Variants in NPSR1 observed in about 807,000 individuals in gnomAD.
NPSR1 encodes the protein neuropeptide S receptor.
Under a neutral mutation model 46.9 loss-of-function variants are expected in NPSR1, and 48 were observed. The ratio of observed to expected loss-of-function variants is 1.02; its 90% confidence interval spans 0.81 to 1.30. The LOEUF (loss-of-function observed/expected upper bound fraction) is 1.30, where lower values mean the gene tolerates loss of function less well. Ranked by LOEUF, NPSR1 falls within the 50% of genes most tolerant of loss-of-function variation. The pLI, the probability that NPSR1 is intolerant of heterozygous loss-of-function variation, is 0.00. For synonymous variants in NPSR1, 176 were observed against 168.1 expected (o/e 1.05, Z -0.36); for missense variants, 450 against 449.5 (o/e 1.00, Z -0.01).
chr7:34,751,077 A>G lies in NPSR1; in HGVS notation c.281-27385A>G, dbSNP rs183325341. The G allele has an allele frequency of 1.6e-3, 1,250 of 791,238 alleles. 5 individuals are homozygous for G. The highest frequency in any genetic ancestry group is 2.4e-3 in the Non-Finnish European group (1,019 of 431,372). The allele number at this position is 791,238 out of a possible 1,614,324, so 49.0% of individuals were successfully genotyped here. A position where few individuals can be genotyped will look rare whatever the true frequency, so the allele number is the denominator to read the frequency against. On this transcript the variant is annotated intron_variant, in intron 2 of 8. Coordinates refer to ENST00000360581, the MANE Select transcript of NPSR1 (RefSeq NM_207172.2). The stretch of plus-strand genomic sequence containing the variant: ...GGCCATCTCACTCACCTGCCCCTTT[A>G]CCTTCACCATGTCCTTGAGGATCAG...
chr7:34,663,450 G>A (rs530667495), intron 1 of NPSR1, among the ~76,000 whole-genome samples: 44 of 152,206 alleles, frequency 2.9e-4, no homozygotes, highest in Middle Eastern at 6.8e-3. Context: ...AGCCACCTAC[G>A]CTATACAACT....
intron 2 of NPSR1, among the ~76,000 whole-genome samples, chr7:34,742,592 A>G (rs996294361): frequency 2.0e-5 from 3 of 152,160 alleles, no homozygotes; most frequent in Non-Finnish European, 2.9e-5. Flanking sequence ...GGTTGATTCT[A>G]TGTCTTTGCT....
intron 8 of NPSR1, chr7:34,849,348 G>A: frequency 6.4e-7 from 1 of 1,551,250 alleles, no homozygotes; most frequent in Non-Finnish European, 8.7e-7. Context: ...CTACCTGTTG[G>A]CCTGTGATGT....
chr7:34,805,501 A>AAG (rs1788653343), intron 3 of NPSR1, among the ~76,000 whole-genome samples: 1 of 150,304 alleles, frequency 6.7e-6, no homozygotes, highest in African/African-American at 2.4e-5. Flanking sequence ...AAAAAAAAAA[A>AAG]CTTAATGTAG....
intron 4 of NPSR1, among the ~76,000 whole-genome samples, chr7:34,825,603 C>T (rs10225627): frequency 0.25 from 38,135 of 152,056 alleles, 5,439 homozygotes; most frequent in African/African-American, 0.38. Context: ...AGAGGCCTCC[C>T]TGAAGGTCAC....
At chr7:34,751,253 G>C (rs1017101546) in intron 2 of NPSR1, 5 of 999,852 alleles carry the variant, frequency 5.0e-6, no homozygotes, top group Non-Finnish European at 6.5e-6. Context: ...CGGACAATGG[G>C]AAGTGGAGAC....
intron 2 of NPSR1, chr7:34,685,614 T>C (rs766721241): frequency 2.0e-5 from 7 of 347,056 alleles, no homozygotes; most frequent in Non-Finnish European, 3.8e-5. Flanking sequence ...ATCTCAGCTG[T>C]AGTAATGGTA....
chr7:34,831,662 G>A (rs1014579129), intron 5 of NPSR1, among the ~76,000 whole-genome samples: 17 of 152,146 alleles, frequency 1.1e-4, no homozygotes, highest in African/African-American at 4.1e-4. Context: ...CAAAACAACA[G>A]GAGTTGTTTT....
intron 1 of NPSR1, among the ~76,000 whole-genome samples, chr7:34,682,373 G>A (rs751993088): frequency 1.6e-4 from 25 of 152,092 alleles, no homozygotes; most frequent in Non-Finnish European, 3.5e-4. Context: ...ACACCCCCAG[G>A]GCACCATCGT....
intron 3 of NPSR1, among the ~76,000 whole-genome samples, chr7:34,807,857 T>C (rs1181164470): frequency 2.0e-5 from 3 of 152,082 alleles, no homozygotes; most frequent in Non-Finnish European, 2.9e-5. Context: ...GATTATCAAT[T>C]GTGGTAGGCT....
intron 3 of NPSR1, among the ~76,000 whole-genome samples, chr7:34,780,668 C>A (rs1176124072): frequency 6.6e-6 from 1 of 152,162 alleles, no homozygotes; most frequent in Non-Finnish European, 1.5e-5. Flanking sequence ...AACTCTGTAA[C>A]AGCCTTAAAA....
At chr7:34,692,952 T>G (rs1040071698) in intron 2 of NPSR1, among the ~76,000 whole-genome samples, 5 of 152,122 alleles carry the variant, frequency 3.3e-5, no homozygotes, top group African/African-American at 1.2e-4. Context: ...TAGGGCCTGG[T>G]GGAAAGTGAT....
At chr7:34,786,174 T>C (rs1260559273) in intron 3 of NPSR1, among the ~76,000 whole-genome samples, 2 of 152,158 alleles carry the variant, frequency 1.3e-5, no homozygotes, top group East Asian at 3.8e-4. Flanking sequence ...CTTGCCACTG[T>C]TTTATCAAAT....
At chr7:34,792,641 G>GTGTA (rs1787944727) in intron 3 of NPSR1, among the ~76,000 whole-genome samples, 1 of 81,104 alleles carries the variant, frequency 1.2e-5, no homozygotes, top group African/African-American at 4.1e-5. Context: ...GTGTGTATGT[G>GTGTA]TATATATATA....
At chr7:34,873,560 T>C (rs560364737) in intron 8 of NPSR1, among the ~76,000 whole-genome samples, 88 of 151,746 alleles carry the variant, frequency 5.8e-4, no homozygotes, top group South Asian at 4.1e-4. Context: ...ATGTGTCACA[T>C]GGTCAGAGCA....
chr7:34,751,503 A>T lies in NPSR1; in HGVS notation c.281-26959A>T. The T allele has an allele frequency of 4.9e-6, 7 of 1,433,664 alleles. No homozygotes were observed. In the South Asian group the frequency reaches 6.9e-5, roughly 14 times the overall value. 88.8% of individuals were successfully genotyped at this position (1,433,664 alleles called of 1,614,324 possible). A position where few individuals can be genotyped will look rare whatever the true frequency, so the allele number is the denominator to read the frequency against. ...CTGCCTCCGTGTCATCTGCTGCCCC[A>T]ACCAGCCCCAGCTCCTCCTCCATAG... On this transcript the variant is annotated intron_variant, in intron 2 of 8. Coordinates refer to ENST00000360581, the MANE Select transcript of NPSR1 (RefSeq NM_207172.2).
At chr7:34,839,100 A>G (rs1790481643) in intron 6 of NPSR1, among the ~76,000 whole-genome samples, 1 of 152,258 alleles carries the variant, frequency 6.6e-6, no homozygotes, top group Non-Finnish European at 1.5e-5. Flanking sequence ...ACTGCTGTCC[A>G]TATCAGCTTC....
At chr7:34,684,776 G>T in intron 2 of NPSR1, 92 bp downstream of exon 2, 3 of 878,786 alleles carry the variant, frequency 3.4e-6, no homozygotes, top group Non-Finnish European at 5.0e-6. Flanking sequence ...AAAAAAAAAT[G>T]TAACGCATCG....
intron 2 of NPSR1, among the ~76,000 whole-genome samples, chr7:34,708,579 A>G (rs1350395054): frequency 1.3e-5 from 2 of 152,160 alleles, no homozygotes; most frequent in Non-Finnish European, 2.9e-5. Flanking sequence ...AACATGCTGG[A>G]GCTTATAGTT....
Sources: gnomAD v4.1 joint callset for allele counts (sites outside exome capture counted in the v4.1 genomes callset) on GRCh38, gnomAD v4.1.1 for gene constraint, MANE v1.5 for transcripts, NCBI Gene and HGNC (gene_info 2026-07-23, HGNC 2026-07-21) for gene names.